APBB2: variants seen among roughly 807,000 people sequenced by gnomAD.
APBB2 encodes amyloid beta precursor protein binding family B member 2, also known as Fe65-like 1.
A neutral mutation model predicts 82.5 loss-of-function variants in APBB2; 38 were observed. The ratio of observed to expected loss-of-function variants is 0.46; its 90% CI spans 0.36 to 0.60. The LOEUF (loss-of-function observed/expected upper bound fraction) is 0.60. APBB2 is among the 20% of genes least tolerant of loss of function. The pLI is 0.00. For synonymous variants in APBB2, 341 were observed against 368.2 expected (o/e 0.93, Z 0.85); for missense variants, 772 against 972.3 (o/e 0.79, Z 2.74).
chr4:41,080,340 A>G (rs2153930557), intron 3 of APBB2, among the ~76,000 whole-genome samples: 1 of 152,348 alleles, frequency 6.6e-6, no homozygotes, highest in South Asian at 2.1e-4. Flanking sequence ...AGAGCTTAGA[A>G]TGCACTGTTG....
Position 40,936,988 on chromosome 4 carries a change from T to C in APBB2, c.1045-1849A>G, listed in dbSNP as rs530974547. On this transcript the variant is annotated intron_variant, in intron 7 of 17. Transcript: ENST00000508593. Reference sequence around the variant, plus strand: ...AGTGACCAATTTCGGTTTGGACCACTGTAGGGCTACTAATATGGATGTGAG... The same window carrying C: ...AGTGACCAATTTCGGTTTGGACCACCGTAGGGCTACTAATATGGATGTGAG... Among the ~76,000 whole-genome samples, 4 of 152,350 alleles carry C rather than the reference T, an allele frequency of 2.6e-5. No individual in the cohort carries two copies. The East Asian group carries it at 5.8e-4, about 22-fold the overall frequency.
chr4:41,001,079 G>C (rs1805091899), intron 6 of APBB2, among the ~76,000 whole-genome samples: 1 of 152,146 alleles, frequency 6.6e-6, no homozygotes, highest in Admixed American at 6.5e-5. Context: ...GTCCATTACT[G>C]AGAAGTATCC....
At position 40,890,430 on chromosome 4, in the gene APBB2, C is replaced by A. The variant is rs775534790; in HGVS notation, c.1463G>T (p.Arg488Leu). The stretch of plus-strand genomic sequence containing the variant: ...GATGGGCTGCGAGTGCAGCACGCTG[C>A]GGTCCATGGGGTCCACCAGGCTGAG... Reference protein sequence around the residue: ...DMLSLVDPMDRSVLHSQPIVS... With the variant: ...DMLSLVDPMDLSVLHSQPIVS... Residue 488 changes from arginine (R) to leucine (L), a missense_variant, in exon 12 of 18, where the codon CGC (arginine) becomes CTC (leucine). Arg to Leu is a moderately radical substitution (Grantham distance 102, BLOSUM62 -2). Transcript: ENST00000508593. The A allele has an allele frequency of 1.9e-6, 3 of 1,613,934 alleles. No individual in the cohort carries two copies. Among genetic ancestry groups the A allele is most frequent in the African/African-American group, 1.3e-5 (1 of 74,914 alleles).
intron 2 of APBB2, chr4:41,138,021 A>T (rs552160765): frequency 6.6e-6 from 1 of 152,300 alleles, no homozygotes; most frequent in South Asian, 2.1e-4. Context: ...ACAAAAAATT[A>T]GCCAGGTGGG....
chr4:40,903,810 C>T lies in APBB2; in HGVS notation c.1255-10399G>A, dbSNP rs145171533. Among the ~76,000 whole-genome samples, 320 of 152,304 alleles carry T rather than the reference C, an allele frequency of 2.1e-3. 1 individual carries two copies. Among genetic ancestry groups the T allele is most frequent in the African/African-American group, 7.6e-3 (314 of 41,554 alleles). On this transcript the variant is annotated intron_variant, in intron 10 of 17. Transcript: ENST00000508593. ...ATGGTGATCCCGGCTGCTGCCTATG[C>T]TGCAATAGCTGCTCTATGGAGACCT...
chr4:40,908,386 A>G (rs553488030), intron 10 of APBB2, among the ~76,000 whole-genome samples: 1 of 152,290 alleles, frequency 6.6e-6, no homozygotes, highest in East Asian at 1.9e-4. Flanking sequence ...CATATGGCAG[A>G]GCTGGCAGTG....
intron 6 of APBB2, among the ~76,000 whole-genome samples, chr4:40,998,381 T>C (rs565958172): frequency 2.0e-5 from 3 of 151,544 alleles, no homozygotes; most frequent in East Asian, 3.9e-4. Flanking sequence ...GACAGACCAA[T>C]AGATTTTAAT....
At chr4:41,007,408 T>A (rs1807059818) in intron 6 of APBB2, among the ~76,000 whole-genome samples, 1 of 151,996 alleles carries the variant, frequency 6.6e-6, no homozygotes, top group African/African-American at 2.4e-5. Flanking sequence ...TCTCAGGTAT[T>A]TCGTTATAGC....
At chr4:41,136,815 T>TAA (rs113767955) in intron 2 of APBB2, among the ~76,000 whole-genome samples, 8,692 of 152,234 alleles carry the variant, frequency 0.057, 535 homozygotes, top group African/African-American at 0.15. Flanking sequence ...ACATTAAAAA[T>TAA]GTCATGTCCC....
intron 12 of APBB2, among the ~76,000 whole-genome samples, chr4:40,857,549 C>T (rs1761679533): frequency 6.6e-6 from 1 of 152,176 alleles, no homozygotes; most frequent in African/African-American, 2.4e-5. Flanking sequence ...CGGCTCACTG[C>T]AACCTCCGCT....
At chr4:40,920,874 A>G (rs746101024) in intron 10 of APBB2, among the ~76,000 whole-genome samples, 10 of 152,192 alleles carry the variant, frequency 6.6e-5, no homozygotes, top group Non-Finnish European at 1.3e-4. Context: ...TCCATCTCAT[A>G]AACACAAAAC....
At chr4:40,878,641 C>A (rs2154344595) in intron 12 of APBB2, among the ~76,000 whole-genome samples, 1 of 152,280 alleles carries the variant, frequency 6.6e-6, no homozygotes. Flanking sequence ...TATAAAATTT[C>A]TGACTGAATG....
intron 5 of APBB2, among the ~76,000 whole-genome samples, chr4:41,025,307 G>T (rs1246548735): frequency 6.6e-6 from 1 of 151,986 alleles, no homozygotes; most frequent in Non-Finnish European, 1.5e-5. Context: ...GATCATTAAA[G>T]AATATGCAAA....
intron 3 of APBB2, among the ~76,000 whole-genome samples, chr4:41,083,786 C>G (rs527916977): frequency 1.4e-5 from 2 of 147,050 alleles, no homozygotes; most frequent in East Asian, 4.3e-4. Context: ...GTAATTATTA[C>G]AGTGATCATT....
rs551245340 is a variant in APBB2 at position 41,170,008 on chromosome 4, G to A, written c.-416-26866C>T. The stretch of plus-strand genomic sequence containing the variant: ...TGAGGTTACTCTAAATTCAAAATCC[G>A]CATATAATAGTTGGAGTGCATAGAC... On this transcript the variant is annotated intron_variant, in intron 1 of 17. Transcript: ENST00000508593. Among the ~76,000 whole-genome samples the A allele has an allele frequency of 2.4e-4, 36 of 152,144 alleles. 1 individual carries two copies. In the South Asian group the frequency reaches 5.8e-3, roughly 25 times the overall value.
chr4:41,079,772 C>A (rs767514916), intron 3 of APBB2, among the ~76,000 whole-genome samples: 8 of 152,158 alleles, frequency 5.3e-5, no homozygotes, highest in Admixed American at 3.3e-4. Context: ...TGGTCTCGAT[C>A]TCTTGACCTC....
intron 10 of APBB2, among the ~76,000 whole-genome samples, chr4:40,907,377 A>ATTTTT (rs1777245642): frequency 1.3e-3 from 38 of 28,274 alleles, no homozygotes; most frequent in African/African-American, 6.0e-3. Flanking sequence ...ATATATATAT[A>ATTTTT]TATTTTTTTT....
intron 10 of APBB2, among the ~76,000 whole-genome samples, chr4:40,908,330 C>A (rs1013911836): frequency 9.9e-5 from 15 of 152,174 alleles, no homozygotes; most frequent in African/African-American, 3.6e-4. Context: ...ATGGCAGCCC[C>A]AGCCAACAAA....
chr4:41,209,243 G>A (rs1036962934), intron 1 of APBB2, among the ~76,000 whole-genome samples: 9 of 152,142 alleles, frequency 5.9e-5, no homozygotes, highest in African/African-American at 1.9e-4. Flanking sequence ...AAAGGTTAAT[G>A]AGGCTGAGTT....
Sources: gnomAD v4.1 joint callset for allele counts (sites outside exome capture counted in the v4.1 genomes callset) on GRCh38, gnomAD v4.1.1 for gene constraint, MANE v1.5 for transcripts, NCBI Gene and HGNC (gene_info 2026-07-23, HGNC 2026-07-21) for gene names.